The following METTL15 variants were observed in gnomAD, a reference collection of about 807,000 sequenced individuals.
METTL15 encodes the protein 12S rRNA N(4)-cytidine methyltransferase METTL15.
METTL15 carries 34 observed loss-of-function variants against 38.3 expected under a neutral mutation model. That is an observed-to-expected ratio of 0.89 (90% confidence interval 0.68 to 1.18). The LOEUF is 1.18. METTL15 is among the 50% of genes most tolerant of loss of function. The probability of loss-of-function intolerance (pLI) is 0.00; values close to 1 mark genes in which losing one functional copy is unlikely to be tolerated. For synonymous variants in METTL15, 162 were observed against 170.9 expected (o/e 0.95, Z 0.41); for missense variants, 438 against 498.4 (o/e 0.88, Z 1.15).
chr11:28,418,687 A>G (rs1169168482), intron 5 of METTL15, among the ~76,000 whole-genome samples: 1 of 152,156 alleles, frequency 6.6e-6, no homozygotes, highest in African/African-American at 2.4e-5. Flanking sequence ...GGGGTAGAAA[A>G]GACAGTTTTG....
chr11:28,376,449 TG>T (rs890772260), intron 5 of METTL15, among the ~76,000 whole-genome samples: 2 of 152,160 alleles, frequency 1.3e-5, no homozygotes, highest in Non-Finnish European at 2.9e-5. Context: ...TGATCTTTGT[TG>T]GTTTAAAATC....
At chr11:28,475,720 G>A (rs188501343) in intron 6 of METTL15, among the ~76,000 whole-genome samples, 16 of 152,308 alleles carry the variant, frequency 1.1e-4, no homozygotes, top group Admixed American at 7.8e-4. Context: ...ATTCCCCTGA[G>A]CTAGGGAATC....
At chr11:28,399,488 T>C (rs1850608750) in intron 5 of METTL15, among the ~76,000 whole-genome samples, 1 of 151,970 alleles carries the variant, frequency 6.6e-6, no homozygotes, top group African/African-American at 2.4e-5. Flanking sequence ...TAAGGTGTGA[T>C]CATAAAGCAA....
chr11:28,455,566 T>C (rs1436726916), intron 6 of METTL15, among the ~76,000 whole-genome samples: 1 of 152,204 alleles, frequency 6.6e-6, no homozygotes, highest in Non-Finnish European at 1.5e-5. Context: ...GCGTGGCACA[T>C]TGTATTTTCC....
intron 5 of METTL15, among the ~76,000 whole-genome samples, chr11:28,363,510 G>A (rs1850158633): frequency 6.6e-6 from 1 of 152,054 alleles, no homozygotes; most frequent in Admixed American, 6.6e-5. Flanking sequence ...GTCTGTTCAT[G>A]TCCTTTGCCC....
intron 4 of METTL15, among the ~76,000 whole-genome samples, chr11:28,235,859 G>GA (rs1384696436): frequency 6.6e-6 from 1 of 152,188 alleles, no homozygotes; most frequent in East Asian, 1.9e-4. Flanking sequence ...TAGGAGTGGT[G>GA]AGAGAGGGCA....
chr11:28,152,428 TTATG>T (rs1204110251), intron 3 of METTL15, among the ~76,000 whole-genome samples: 1 of 152,026 alleles, frequency 6.6e-6, no homozygotes, highest in Non-Finnish European at 1.5e-5. Flanking sequence ...AGGAATTTGT[TTATG>T]TATTTAGTGA....
At chr11:28,502,060 C>T (rs1314090124) in intron 6 of METTL15, among the ~76,000 whole-genome samples, 1 of 147,058 alleles carries the variant, frequency 6.8e-6, no homozygotes, top group African/African-American at 2.5e-5. Flanking sequence ...GAGATCTCGC[C>T]ACTGCACTTC....
chr11:28,291,354 C>G (rs921133503), intron 5 of METTL15, among the ~76,000 whole-genome samples: 2 of 152,046 alleles, frequency 1.3e-5, no homozygotes, highest in African/African-American at 4.8e-5. Context: ...CCAACAATTT[C>G]TTTATATTAA....
At chr11:28,475,372 A>T (rs1851337102) in intron 6 of METTL15, among the ~76,000 whole-genome samples, 1 of 3,076 alleles carries the variant, frequency 3.3e-4, no homozygotes, top group Admixed American at 0.011. Flanking sequence ...GCATAGAATT[A>T]TTCTGAGATT....
chr11:28,521,347 A>T (rs1851763563), intron 6 of METTL15, among the ~76,000 whole-genome samples: 1 of 152,202 alleles, frequency 6.6e-6, no homozygotes, highest in African/African-American at 2.4e-5. Flanking sequence ...TATTTCTATG[A>T]GTAAACAAGG....
At chr11:28,283,481 A>G (rs930744357) in intron 4 of METTL15, among the ~76,000 whole-genome samples, 3 of 152,182 alleles carry the variant, frequency 2.0e-5, no homozygotes, top group East Asian at 1.9e-4. Flanking sequence ...ATTAGATTGT[A>G]TGCCGTTAGA....
intron 6 of METTL15, among the ~76,000 whole-genome samples, chr11:28,436,894 G>A (rs1397789050): frequency 6.6e-6 from 1 of 152,158 alleles, no homozygotes; most frequent in Non-Finnish European, 1.5e-5. Context: ...CAGTGGACTG[G>A]GAGAGGCAGA....
intron 4 of METTL15, among the ~76,000 whole-genome samples, chr11:28,247,267 A>G (rs140917124): frequency 7.0e-4 from 106 of 152,242 alleles, no homozygotes; most frequent in African/African-American, 2.4e-3. Flanking sequence ...AAAAATTATT[A>G]ATGAGACATA....
At chr11:28,412,059 T>G (rs1850732401) in intron 5 of METTL15, among the ~76,000 whole-genome samples, 2 of 152,124 alleles carry the variant, frequency 1.3e-5, no homozygotes, top group South Asian at 4.1e-4. Context: ...CTCACACCTG[T>G]AAGGGTGGCT....
chr11:28,151,302 T>C (rs1394117627), intron 3 of METTL15, among the ~76,000 whole-genome samples: 1 of 151,952 alleles, frequency 6.6e-6, no homozygotes, highest in African/African-American at 2.4e-5. Context: ...CCTTCTCATC[T>C]CTTACCGTGC....
intron 6 of METTL15, among the ~76,000 whole-genome samples, chr11:28,316,277 G>T (rs549351092): frequency 4.6e-4 from 70 of 152,180 alleles, no homozygotes; most frequent in Non-Finnish European, 3.2e-4. Context: ...GATGTGAGAC[G>T]TGGATTCAAA....
At chr11:28,126,218 C>T (rs1208783507) in intron 3 of METTL15, among the ~76,000 whole-genome samples, 1 of 152,104 alleles carries the variant, frequency 6.6e-6, no homozygotes, top group East Asian at 1.9e-4. Flanking sequence ...TCCCTGGCCA[C>T]CCTGTCTGAA....
chr11:28,469,727 CTAT>C (rs1851287634), intron 6 of METTL15, among the ~76,000 whole-genome samples: 1 of 151,920 alleles, frequency 6.6e-6, no homozygotes, highest in African/African-American at 2.4e-5. Flanking sequence ...GCTATAATTC[CTAT>C]TATTATTAGA....
Sources: gnomAD v4.1 joint callset for allele counts (sites outside exome capture counted in the v4.1 genomes callset) on GRCh38, gnomAD v4.1.1 for gene constraint, MANE v1.5 for transcripts, NCBI Gene and HGNC (gene_info 2026-07-23, HGNC 2026-07-21) for gene names.